Variants in CTNNA3 observed in about 807,000 individuals in gnomAD.
CTNNA3 encodes the protein catenin alpha 3, also known as catenin alpha-3.
A neutral mutation model predicts 95.7 loss-of-function variants in CTNNA3; 76 were observed. The observed-to-expected ratio is 0.79, with a 90% CI of 0.66 to 0.96. CTNNA3 has a LOEUF of 0.96. CTNNA3 is among the 40% of genes least tolerant of loss of function. CTNNA3 has a pLI of 0.00. For synonymous variants in CTNNA3, 431 were observed against 374.4 expected (o/e 1.15, Z -1.74); for missense variants, 1,191 against 1,089.8 (o/e 1.09, Z -1.31).
At chr10:66,277,439 A>G (rs144451755) in intron 13 of CTNNA3, among the ~76,000 whole-genome samples, 1 of 152,248 alleles carries the variant, frequency 6.6e-6, no homozygotes, top group Non-Finnish European at 1.5e-5. Context: ...AGGATCAAAT[A>G]CTTTGCAGTT....
chr10:66,393,098 G>A (rs1230618928), intron 11 of CTNNA3, among the ~76,000 whole-genome samples: 1 of 152,046 alleles, frequency 6.6e-6, no homozygotes, highest in Non-Finnish European at 1.5e-5. Context: ...AGACATGCAG[G>A]AAATTTAAAT....
At chr10:66,460,993 C>A (rs533559824) in intron 11 of CTNNA3, among the ~76,000 whole-genome samples, 7 of 151,920 alleles carry the variant, frequency 4.6e-5, no homozygotes, top group Non-Finnish European at 8.8e-5. Context: ...AGAAAAAACA[C>A]AAAAATGTGT....
At chr10:66,333,833 A>T (rs1348596245) in intron 12 of CTNNA3, among the ~76,000 whole-genome samples, 1 of 151,548 alleles carries the variant, frequency 6.6e-6, no homozygotes, top group African/African-American at 2.4e-5. Flanking sequence ...GTGGGGTGTT[A>T]AAGTCTCCCA....
chr10:65,996,786 C>G (rs1187603353), intron 15 of CTNNA3, among the ~76,000 whole-genome samples: 1 of 152,192 alleles, frequency 6.6e-6, no homozygotes, highest in Non-Finnish European at 1.5e-5. Flanking sequence ...GTGATCCTGA[C>G]CAAGCTGGCA....
chr10:67,228,743 G>GA (rs1211169279), intron 5 of CTNNA3, among the ~76,000 whole-genome samples: 1 of 152,020 alleles, frequency 6.6e-6, no homozygotes, highest in Admixed American at 6.6e-5. Context: ...TAAATTCCTG[G>GA]AAAAATACAA....
At chr10:66,304,372 G>C (rs1165866799) in intron 12 of CTNNA3, among the ~76,000 whole-genome samples, 1 of 152,066 alleles carries the variant, frequency 6.6e-6, no homozygotes, top group Non-Finnish European at 1.5e-5. Flanking sequence ...AGAACCTATG[G>C]CCCTGTCCTT....
chr10:67,678,220 A>G (rs1840568028), intron 1 of CTNNA3, among the ~76,000 whole-genome samples: 1 of 152,212 alleles, frequency 6.6e-6, no homozygotes, highest in Non-Finnish European at 1.5e-5. Flanking sequence ...AAAATTTAGA[A>G]TATATCTCTT....
intron 15 of CTNNA3, among the ~76,000 whole-genome samples, chr10:66,067,618 C>A (rs2080339387): frequency 6.6e-6 from 1 of 151,938 alleles, no homozygotes; most frequent in Non-Finnish European, 1.5e-5. Context: ...CAAGGGTTTC[C>A]TTTATTCAAA....
At chr10:67,282,206 T>A (rs1839425727) in intron 5 of CTNNA3, among the ~76,000 whole-genome samples, 1 of 152,208 alleles carries the variant, frequency 6.6e-6, no homozygotes, top group Admixed American at 6.5e-5. Flanking sequence ...GTCCAAAATT[T>A]ATTTTAAAAT....
chr10:66,302,833 G>A (rs997253201), intron 12 of CTNNA3, among the ~76,000 whole-genome samples: 1 of 151,980 alleles, frequency 6.6e-6, no homozygotes, highest in Non-Finnish European at 1.5e-5. Context: ...ATTTTAGCAA[G>A]GCAAAATTCA....
At chr10:67,547,886 C>A (rs745755219) in intron 3 of CTNNA3, among the ~76,000 whole-genome samples, 10 of 152,156 alleles carry the variant, frequency 6.6e-5, no homozygotes, top group Non-Finnish European at 1.3e-4. Flanking sequence ...TAAAGAAGAC[C>A]TAAATAAATG....
At chr10:67,639,629 C>G (rs1839452649) in intron 2 of CTNNA3, among the ~76,000 whole-genome samples, 1 of 149,942 alleles carries the variant, frequency 6.7e-6, no homozygotes, top group Admixed American at 6.6e-5. Context: ...CAAACCGAAT[C>G]CAGCAACACA....
chr10:66,414,908 T>C lies in CTNNA3; in HGVS notation c.1532-35556A>G, dbSNP rs2093134352. 3.9e-5 allele frequency among the ~76,000 whole-genome samples: 6 copies of C among 152,076 alleles called. No homozygotes were observed. In the South Asian group the frequency reaches 8.3e-4, roughly 21 times the overall value. ...TGCTGAAGCTGAGGTGCAAGAGAAG[T>C]GATGGGTACTGCCTGGGGTTTAGAC... On this transcript the variant is annotated intron_variant, in intron 11 of 17. Transcript: ENST00000433211.
chr10:66,082,115 C>CA (rs1439378418), intron 14 of CTNNA3, among the ~76,000 whole-genome samples: 4 of 147,306 alleles, frequency 2.7e-5, no homozygotes, highest in South Asian at 4.3e-4. Flanking sequence ...AAAACTCTGG[C>CA]AAAAAAATAA....
chr10:66,823,123 G>T (rs192726603), intron 7 of CTNNA3, among the ~76,000 whole-genome samples: 27 of 152,318 alleles, frequency 1.8e-4, no homozygotes, highest in African/African-American at 6.0e-4. Context: ...TCCAACTAAT[G>T]CAGAACTGTG....
At chr10:67,726,279 A>G (rs1470988617) in intron 1 of CTNNA3, among the ~76,000 whole-genome samples, 10 of 99,714 alleles carry the variant, frequency 1.0e-4, no homozygotes, top group African/African-American at 3.8e-4. Flanking sequence ...TATATATATT[A>G]TATTACATAT....
chr10:67,055,612 A>G (rs775212687), intron 7 of CTNNA3, among the ~76,000 whole-genome samples: 3 of 152,190 alleles, frequency 2.0e-5, no homozygotes, highest in Non-Finnish European at 2.9e-5. Context: ...TCAACACAAT[A>G]TTTTGAAGGC....
At chr10:66,781,835 G>C (rs1401641462) in intron 7 of CTNNA3, among the ~76,000 whole-genome samples, 3 of 152,080 alleles carry the variant, frequency 2.0e-5, no homozygotes, top group Non-Finnish European at 4.4e-5. Context: ...CTCAACTGCT[G>C]TTCACAATAA....
At chr10:66,469,060 T>C (rs188385023) in intron 11 of CTNNA3, among the ~76,000 whole-genome samples, 4 of 152,016 alleles carry the variant, frequency 2.6e-5, no homozygotes, top group African/African-American at 9.6e-5. Context: ...CACAAATGCA[T>C]GGTGGCATCT....
Sources: allele counts gnomAD v4.1 joint callset (sites outside exome capture counted in the v4.1 genomes callset), GRCh38; gene constraint gnomAD v4.1.1; transcripts MANE v1.5; gene names NCBI Gene and HGNC (gene_info 2026-07-23, HGNC 2026-07-21).